The following LANCL2 variants were observed in gnomAD, a reference collection of about 807,000 sequenced individuals.
LANCL2 encodes LanC like glutathione S-transferase 2, also known as lanC-like protein 2.
Under a neutral mutation model 56.9 loss-of-function variants are expected in LANCL2, and 33 were observed. The observed-to-expected ratio is 0.58, with a 90% confidence interval of 0.44 to 0.78. The LOEUF (loss-of-function observed/expected upper bound fraction) is 0.78. Among genes scored for constraint, LANCL2 ranks in the 30% least tolerant of loss-of-function variants. The probability of loss-of-function intolerance (pLI) is 0.00; values close to 1 mark genes in which losing one functional copy is unlikely to be tolerated. For missense variants in LANCL2, 562 were observed against 580.2 expected, an observed-to-expected ratio of 0.97 and a Z score of 0.32; for synonymous variants, 233 against 228.2, an observed-to-expected ratio of 1.02 and a Z score of -0.19.
At chr7:55,420,323 T>G (rs1029446396) in intron 6 of LANCL2, among the ~76,000 whole-genome samples, 2 of 152,226 alleles carry the variant, frequency 1.3e-5, no homozygotes, top group African/African-American at 4.8e-5. Flanking sequence ...ATTCATGGGT[T>G]ATTTAGAAGT....
intron 4 of LANCL2, among the ~76,000 whole-genome samples, 170 bp from the exon 5 acceptor site, chr7:55,401,000 TATTA>T (rs1422619455): frequency 6.6e-6 from 1 of 152,250 alleles, no homozygotes; most frequent in African/African-American, 2.4e-5. Context: ...TGCCTGCATT[TATTA>T]ATTTATAAAA....
At chr7:55,390,005 C>T (rs73344590) in intron 1 of LANCL2, among the ~76,000 whole-genome samples, 2,747 of 152,232 alleles carry the variant, frequency 0.018, 79 homozygotes, top group African/African-American at 0.061. Context: ...GGAGTTCACA[C>T]GCTGCAAGCC....
chr7:55,420,675 A>G lies in LANCL2; in HGVS notation c.1009-4579A>G, dbSNP rs1790598707. Reference sequence around the variant, plus strand: ...GCAGTTTCTGCAACCACTCAGTTCTATCATTGTAGCACAAAAGCAGCCACA... The same window carrying G: ...GCAGTTTCTGCAACCACTCAGTTCTGTCATTGTAGCACAAAAGCAGCCACA... On this transcript the variant is annotated intron_variant, in intron 6 of 8. Coordinates refer to ENST00000254770, the MANE Select transcript of LANCL2 (RefSeq NM_018697.4). Among the ~76,000 whole-genome samples the G allele has an allele frequency of 2.6e-5, 4 of 152,360 alleles. 1 individual carries two copies. In the South Asian group the frequency reaches 8.3e-4, roughly 32 times the overall value.
rs145986852 is a variant in LANCL2, at chr7:55,391,452, C to G, written c.205-341C>G. ...CTATGTATTTCCCCTTTGTCATTAA[C>G]TTTTAAACCATCTTTCTGATGTTCT... On this transcript the variant is annotated intron_variant, in intron 1 of 8. Coordinates refer to ENST00000254770, the MANE Select transcript of LANCL2 (RefSeq NM_018697.4). 1.1e-4 allele frequency among the ~76,000 whole-genome samples: 16 copies of G among 151,904 alleles called. No homozygotes were observed. In the East Asian group the frequency reaches 2.7e-3, roughly 26 times the overall value.
chr7:55,377,940 T>A (rs1280548627), intron 1 of LANCL2, among the ~76,000 whole-genome samples: 2 of 152,132 alleles, frequency 1.3e-5, no homozygotes, highest in African/African-American at 4.8e-5. Context: ...AAATATAGAA[T>A]CAAGCAAAAA....
At chr7:55,421,815 C>T (rs1790611497) in intron 6 of LANCL2, among the ~76,000 whole-genome samples, 1 of 152,202 alleles carries the variant, frequency 6.6e-6, no homozygotes, top group Admixed American at 6.5e-5. Flanking sequence ...CAGAGCTTTG[C>T]ACTCTATCTG....
chr7:55,369,487 A>T (rs978605811), intron 1 of LANCL2, among the ~76,000 whole-genome samples: 8 of 152,200 alleles, frequency 5.3e-5, no homozygotes. Context: ...GGTATTTATA[A>T]CATTTTTTAC....
chr7:55,397,908 G>A (rs1265383307), intron 2 of LANCL2, among the ~76,000 whole-genome samples: 1 of 151,740 alleles, frequency 6.6e-6, no homozygotes, highest in Non-Finnish European at 1.5e-5. Context: ...CCAGTTCATT[G>A]GTCAGTTGTA....
At chr7:55,412,209 GT>G in intron 6 of LANCL2, 120 bp downstream of exon 6, 1 of 883,898 alleles carries the variant, frequency 1.1e-6, no homozygotes, top group Non-Finnish European at 1.7e-6. Context: ...TAGAATGATT[GT>G]TTTTACAAAA....
At chr7:55,390,084 T>C (rs1790168225) in intron 1 of LANCL2, among the ~76,000 whole-genome samples, 1 of 152,202 alleles carries the variant, frequency 6.6e-6, no homozygotes, top group South Asian at 2.1e-4. Context: ...AAAGCCCTAA[T>C]TGTGCAGAAA....
At chr7:55,396,615 C>T (rs926219929) in intron 2 of LANCL2, among the ~76,000 whole-genome samples, 17 of 152,340 alleles carry the variant, frequency 1.1e-4, no homozygotes, top group Middle Eastern at 3.4e-3. Context: ...TCCCCAGCAC[C>T]TCCCACCACA....
At position 55,431,466 on chromosome 7, in the gene LANCL2, G is replaced by T; in HGVS notation, c.*146G>T. ...GGTTAGACTAGCATGAGTGACCGAA[G>T]CCATCCATCAACATTTTCTAACAGC... On this transcript the variant is annotated 3_prime_UTR_variant, in exon 9 of 9. Transcript: ENST00000254770. 1.8e-6 allele frequency: 1 copy of T among 548,448 alleles called. No individual in the cohort carries two copies. Among genetic ancestry groups the T allele is most frequent in the East Asian group, 3.0e-5 (1 of 32,930 alleles). The allele number at this position is 548,448 out of a possible 1,614,324, so 34.0% of individuals were successfully genotyped here.
intron 6 of LANCL2, among the ~76,000 whole-genome samples, chr7:55,416,990 T>TG (rs1324006876): frequency 6.4e-5 from 9 of 140,318 alleles, no homozygotes; most frequent in South Asian, 2.4e-4. Context: ...TTTTTTTTTT[T>TG]TTTTTTGGAG....
intron 5 of LANCL2, among the ~76,000 whole-genome samples, chr7:55,403,131 C>T (rs1410110264): frequency 4.8e-4 from 73 of 152,298 alleles, no homozygotes; most frequent in African/African-American, 1.7e-3. Flanking sequence ...CACGCCACTG[C>T]ACTCCAGCCT....
intron 6 of LANCL2, among the ~76,000 whole-genome samples, chr7:55,413,562 T>C (rs1196004804): frequency 1.3e-5 from 2 of 152,218 alleles, no homozygotes; most frequent in African/African-American, 4.8e-5. Flanking sequence ...GGCAGTTCCA[T>C]TTTCATGAGT....
intron 6 of LANCL2, among the ~76,000 whole-genome samples, chr7:55,423,796 T>C (rs937027668): frequency 6.6e-6 from 1 of 152,218 alleles, no homozygotes; most frequent in Non-Finnish European, 1.5e-5. Context: ...AAGGTGACAG[T>C]AGGGACTCAG....
At chr7:55,371,724 A>G (rs1011387517) in intron 1 of LANCL2, among the ~76,000 whole-genome samples, 1 of 152,184 alleles carries the variant, frequency 6.6e-6, no homozygotes, top group Non-Finnish European at 1.5e-5. Context: ...ACTTGTCTGT[A>G]ATTTGATACA....
At chr7:55,410,583 C>T (rs1469122054) in intron 5 of LANCL2, among the ~76,000 whole-genome samples, 1 of 152,204 alleles carries the variant, frequency 6.6e-6, no homozygotes, top group Non-Finnish European at 1.5e-5. Context: ...TACTTTACGT[C>T]ACCCCTGACA....
chr7:55,423,723 C>G (rs1172564766), intron 6 of LANCL2, among the ~76,000 whole-genome samples: 2 of 152,154 alleles, frequency 1.3e-5, no homozygotes, highest in African/African-American at 2.4e-5. Flanking sequence ...GAATGTCATC[C>G]CTTTATAGTT....
Sources: gnomAD v4.1 joint callset for allele counts (sites outside exome capture counted in the v4.1 genomes callset) on GRCh38, gnomAD v4.1.1 for gene constraint, MANE v1.5 for transcripts, NCBI Gene and HGNC (gene_info 2026-07-23, HGNC 2026-07-21) for gene names.